ACSM3: variants seen among roughly 807,000 people sequenced by gnomAD.
ACSM3 encodes the protein acyl-CoA synthetase medium chain family member 3, also known as acyl-coenzyme A synthetase ACSM3, mitochondrial.
ACSM3 carries 61 observed loss-of-function variants against 74.1 expected under a neutral mutation model. The ratio of observed to expected loss-of-function variants is 0.82; its 90% CI spans 0.67 to 1.02. ACSM3 has a LOEUF of 1.02. ACSM3 is among the 50% of genes least tolerant of loss of function. ACSM3 has a pLI of 0.00. For synonymous variants in ACSM3, 213 were observed against 241.5 expected, an observed-to-expected ratio of 0.88 and a Z score of 1.09; for missense variants, 660 against 697.0, an observed-to-expected ratio of 0.95 and a Z score of 0.60.
intron 1 of ACSM3, among the ~76,000 whole-genome samples, chr16:20,689,724 T>A (rs988414477): frequency 2.0e-5 from 3 of 152,216 alleles, no homozygotes; most frequent in Non-Finnish European, 4.4e-5. Context: ...CTCCTCCTTT[T>A]ACTTCCTTCC....
intron 1 of ACSM3, among the ~76,000 whole-genome samples, chr16:20,696,907 G>C (rs2079692640): frequency 6.6e-6 from 1 of 152,156 alleles, no homozygotes; most frequent in Admixed American, 6.5e-5. Flanking sequence ...GGTCTTTGGT[G>C]CTGTTCATGT....
intron 1 of ACSM3, among the ~76,000 whole-genome samples, chr16:20,705,374 G>GA (rs35941652): frequency 0.5 from 61,869 of 123,676 alleles, 14,061 homozygotes; most frequent in East Asian, 0.77. Flanking sequence ...CTCCGTCTCA[G>GA]AAAAAAAAAA....
rs182376521 is a variant in ACSM3 at position 20,699,427 on chromosome 16, C to T, written c.-190+24605C>T. Among the ~76,000 whole-genome samples, 15 of 152,202 alleles carry T rather than the reference C, an allele frequency of 9.9e-5. No individual in the cohort carries two copies. In the East Asian group the frequency reaches 2.3e-3, roughly 24 times the overall value. On this transcript the variant is annotated intron_variant, in intron 1 of 3. Transcript: ENST00000561584. Reference sequence around the variant, plus strand: ...ACACCCAGGACATTCCTGACAGGACCGTGTGGCAAGCTAGGATAGTTTGGG... The same window carrying T: ...ACACCCAGGACATTCCTGACAGGACTGTGTGGCAAGCTAGGATAGTTTGGG...
chr16:20,728,439 GC>G (rs2079814348), intron 1 of ACSM3: 5 of 1,423,816 alleles, frequency 3.5e-6, no homozygotes, highest in Admixed American at 1.7e-5. Context: ...AGGGGAAATT[GC>G]CCTCAGACTA....
intron 2 of ACSM3, among the ~76,000 whole-genome samples, chr16:20,775,257 G>A (rs1003195991): frequency 2.0e-5 from 3 of 152,146 alleles, no homozygotes; most frequent in Non-Finnish European, 2.9e-5. Flanking sequence ...CCATGCTATA[G>A]CAGCTCGGGT....
At chr16:20,786,252 T>G in intron 9 of ACSM3, 94 bp downstream of exon 9, 1 of 1,493,678 alleles carries the variant, frequency 6.7e-7, no homozygotes, top group Non-Finnish European at 8.9e-7. Context: ...TTTGTTATGA[T>G]GGTGATTCCA....
chr16:20,688,574 T>C (rs1407235760), intron 1 of ACSM3, among the ~76,000 whole-genome samples: 1 of 152,088 alleles, frequency 6.6e-6, no homozygotes, highest in Non-Finnish European at 1.5e-5. Context: ...AGATTATCAG[T>C]GGATTTCTCA....
intron 9 of ACSM3, chr16:20,789,491 G>T (rs966933684): frequency 2.5e-6 from 4 of 1,612,694 alleles, no homozygotes; most frequent in Non-Finnish European, 3.4e-6. Flanking sequence ...TTGTCAACCA[G>T]AGAATATTCC....
At chr16:20,692,924 C>T (rs1489576638) in intron 1 of ACSM3, among the ~76,000 whole-genome samples, 1 of 151,896 alleles carries the variant, frequency 6.6e-6, no homozygotes, top group African/African-American at 2.4e-5. Context: ...TAATCCCAGC[C>T]CTTTGGGAGG....
Position 20,796,101 on chromosome 16 carries a change from A to T in ACSM3, c.1555-269A>T, listed in dbSNP as rs755690467. On this transcript the variant is annotated intron_variant, in intron 12 of 13. Coordinates refer to ENST00000289416, the MANE Select transcript of ACSM3 (RefSeq NM_005622.4). ...GTTCCCTTCAACAAAGACATGGCAA[A>T]CTCAGCGTGACTACTGTTTATAAGT... is the stretch of plus-strand genomic sequence containing the variant. 4.9e-5 allele frequency: 17 copies of T among 346,088 alleles called. No homozygotes were observed. The Admixed American group carries it at 6.3e-4, about 13-fold the overall frequency. The allele number at this position is 346,088 out of a possible 1,614,324, so 21.4% of individuals were successfully genotyped here. A position where few individuals can be genotyped will look rare whatever the true frequency, so the allele number is the denominator to read the frequency against.
At chr16:20,753,140 A>G (rs2080001227) in intron 2 of ACSM3, among the ~76,000 whole-genome samples, 1 of 152,044 alleles carries the variant, frequency 6.6e-6, no homozygotes, top group Non-Finnish European at 1.5e-5. Flanking sequence ...CTGAGTTGAA[A>G]AAAAAAAACA....
chr16:20,789,343 T>C (rs2080542320), intron 9 of ACSM3: 1 of 684,324 alleles, frequency 1.5e-6, no homozygotes, highest in South Asian at 1.8e-5. Flanking sequence ...AATAGGTACA[T>C]GTCAAGTACT....
At position 20,731,342 on chromosome 16, in the gene ACSM3, A is replaced by G. The variant is rs145791386; in HGVS notation, c.-189-18568A>G. Among the ~76,000 whole-genome samples the G allele has an allele frequency of 5.2e-3, 794 of 152,318 alleles. 6 individuals carry two copies. Among genetic ancestry groups the G allele is most frequent in the African/African-American group, 0.018 (742 of 41,570 alleles). On this transcript the variant is annotated intron_variant, in intron 1 of 3. Transcript: ENST00000561584. ...ATAAAGCAAAGACTGCCTGTGAAAT[A>G]AATGGGATCACTCTGAAATGTTAAA... is the stretch of plus-strand genomic sequence containing the variant.
chr16:20,741,800 A>T (rs755112249), intron 1 of ACSM3: 3 of 1,546,166 alleles, frequency 1.9e-6, no homozygotes, highest in African/African-American at 1.4e-5. Flanking sequence ...GTCCTCGTCT[A>T]TCGCCGGCGC....
upstream of ACSM3, among the ~76,000 whole-genome samples, chr16:20,763,355 G>A (rs2080092886): frequency 6.6e-6 from 1 of 152,194 alleles, no homozygotes; most frequent in South Asian, 2.1e-4. Context: ...ATTTGGCCAG[G>A]GGGATATCTG....
At chr16:20,779,413 G>GAA (rs1192086242) in intron 4 of ACSM3, among the ~76,000 whole-genome samples, 1 of 120,098 alleles carries the variant, frequency 8.3e-6, no homozygotes, top group African/African-American at 2.9e-5. Context: ...GAGAGAGAGA[G>GAA]AAACCCTGTC....
intron 1 of ACSM3, among the ~76,000 whole-genome samples, chr16:20,693,658 T>C (rs2079674847): frequency 6.6e-6 from 1 of 152,230 alleles, no homozygotes; most frequent in Admixed American, 6.5e-5. Context: ...TTGTCTGCTT[T>C]ATTTAAATGA....
chr16:20,728,052 GTGCT>G, intron 1 of ACSM3: 1 of 209,936 alleles, frequency 4.8e-6, no homozygotes, highest in Non-Finnish European at 9.7e-6. Flanking sequence ...TTCAGAAGGT[GTGCT>G]TAAATACTGG....
intron 1 of ACSM3, chr16:20,703,865 A>G (rs2079720042): frequency 6.6e-6 from 1 of 152,226 alleles, no homozygotes; most frequent in African/African-American, 2.4e-5. Context: ...ATTAGGCCAC[A>G]CAAATATTGA....
Sources: gnomAD v4.1 joint callset for allele counts (sites outside exome capture counted in the v4.1 genomes callset) on GRCh38, gnomAD v4.1.1 for gene constraint, MANE v1.5 for transcripts, NCBI Gene and HGNC (gene_info 2026-07-23, HGNC 2026-07-21) for gene names.